CAMKK2: variants seen among roughly 807,000 people sequenced by gnomAD.
The protein encoded by CAMKK2 is calcium/calmodulin-dependent protein kinase kinase 2.
In CAMKK2, 30 loss-of-function variants were observed where a neutral mutation model predicts 67.2. That is an observed-to-expected ratio of 0.45 (90% CI 0.33 to 0.61). The LOEUF is 0.61. Among genes scored for constraint, CAMKK2 ranks in the 20% least tolerant of loss-of-function variants. CAMKK2 has a pLI of 0.02. For missense variants in CAMKK2, 643 were observed against 802.0 expected (o/e 0.80, Z 2.39); for synonymous variants, 322 against 326.2 (o/e 0.99, Z 0.14).
Position 121,248,536 on chromosome 12 carries a change from G to A in CAMKK2, c.1452+70C>T. 1.9e-6 allele frequency: 3 copies of A among 1,590,544 alleles called. No individual in the cohort carries two copies. In the South Asian group the frequency reaches 3.3e-5, roughly 18 times the overall value. ...ACTCCCGGGCACCCGCCTGTGTCCG[G>A]CCTGTCCTGGCCAGGCCCCACCTCA... On this transcript the variant is annotated intron_variant, in intron 14 of 16. Coordinates refer to ENST00000404169, the MANE Select transcript of CAMKK2 (RefSeq NM_001270485.2).
In CAMKK2 at chr12:121,274,156, G is replaced by A. The variant is rs199839826; in HGVS notation, c.371C>T (p.Pro124Leu). The change falls in exon 2 of 17, where the codon CCG becomes CTG. Residue 124 changes from proline to leucine, a missense_variant. Pro to Leu is a moderately conservative substitution (Grantham distance 98). Around this residue, in one of 3 missense-constraint regions of CAMKK2, gnomAD observed 483 missense variants for 625.8 expected, o/e 0.77. Coordinates refer to ENST00000404169, the MANE Select transcript of CAMKK2 (RefSeq NM_001270485.2). The stretch of plus-strand genomic sequence containing the variant: ...GCTGACGGGTGAGTAGGGCAGGGAC[G>A]GGCAGATGCAGCGTCCGTTCATGTC... ...SLDMNGRCIC[P>L]SLPYSPVSSP... The A allele has an allele frequency of 1.0e-5, 16 of 1,594,020 alleles. No homozygotes were observed. Among genetic ancestry groups the A allele is most frequent in the East Asian group, 4.5e-5 (2 of 44,302 alleles).
intron 1 of CAMKK2, among the ~76,000 whole-genome samples, chr12:121,274,813 T>C (rs1412767904): frequency 1.3e-5 from 2 of 150,078 alleles, no homozygotes; most frequent in Non-Finnish European, 3.0e-5. Context: ...TTCTTTTTTT[T>C]TTTTTTGAGA....
At chr12:121,255,235 T>TATATATATAATTATATATATATAA (rs1403218346) in intron 9 of CAMKK2, among the ~76,000 whole-genome samples, 1 of 5,134 alleles carries the variant, frequency 1.9e-4, no homozygotes, top group African/African-American at 8.3e-4. Context: ...TATATATAAT[T>TATATATATAATTATATATATATAA]TTATATATAT....
rs557084757 is a variant in CAMKK2, at chr12:121,273,926, G to T, written c.471+130C>A. 53 of 706,050 alleles carry T rather than the reference G, an allele frequency of 7.5e-5. No homozygotes were observed. In the African/African-American group the frequency reaches 8.7e-4, roughly 12 times the overall value. The allele number at this position is 706,050 out of a possible 1,614,324, so 43.7% of individuals were successfully genotyped here. ...CCCCAGCCGCCCCCAAGGTTCCCTG[G>T]AGTCAACTCCTAGGTCAACCGTGGC... is the stretch of plus-strand genomic sequence containing the variant. On this transcript the variant is annotated intron_variant, in intron 2 of 16. Coordinates refer to ENST00000404169, the MANE Select transcript of CAMKK2 (RefSeq NM_001270485.2).
At chr12:121,260,411 G>T (rs774863495) in intron 6 of CAMKK2, 56 bp from the exon 7 acceptor site, 4 of 1,526,612 alleles carry the variant, frequency 2.6e-6, no homozygotes, top group Admixed American at 3.6e-5. Flanking sequence ...GAAAAAGAGA[G>T]AATAGATATG....
Position 121,271,718 on chromosome 12 carries a change from T to G in CAMKK2, c.472-773A>C, listed in dbSNP as rs543934405. ...CAAAATTAAAACTTTGGCTTTTTTT[T>G]CTTTTTGAGATGGAGTTTTGCTCTT... On this transcript the variant is annotated intron_variant, in intron 2 of 16. Transcript: ENST00000404169. Among the ~76,000 whole-genome samples the G allele has an allele frequency of 2.0e-5, 3 of 152,320 alleles. No individual in the cohort carries two copies. The South Asian group carries it at 6.2e-4, about 32-fold the overall frequency.
Position 121,240,335 on chromosome 12 carries a change from G to A in CAMKK2, c.*364C>T. On this transcript the variant is annotated 3_prime_UTR_variant, in exon 17 of 17. Coordinates refer to ENST00000404169, the MANE Select transcript of CAMKK2 (RefSeq NM_001270485.2). The surrounding 1 kb of genome is among the most constrained non-coding windows in gnomAD (Gnocchi z 4.4). ...GGAGTTTTCTGCTCGCCTTTCCACA[G>A]TTGTCAAACCCCACACACAGTCACT... is the stretch of plus-strand genomic sequence containing the variant. 1 of 1,158,812 alleles carries A rather than the reference G, an allele frequency of 8.6e-7. No individual in the cohort carries two copies. The allele number at this position is 1,158,812 out of a possible 1,614,324, so 71.8% of individuals were successfully genotyped here. A position where few individuals can be genotyped will look rare whatever the true frequency, so the allele number is the denominator to read the frequency against.
Position 121,245,426 on chromosome 12 carries a change from G to A in CAMKK2, c.1453-186C>T, listed in dbSNP as rs747384112. On this transcript the variant is annotated intron_variant, in intron 14 of 16. Coordinates refer to ENST00000404169, the MANE Select transcript of CAMKK2 (RefSeq NM_001270485.2). The surrounding 1 kb of genome is among the most constrained non-coding windows in gnomAD (Gnocchi z 5.8). ...CCAACCCCCGCCGAAAGAATCCTCT[G>A]GGAAAAGGTGCTGTCCTGCACCACA... Among the ~76,000 whole-genome samples the A allele has an allele frequency of 6.6e-6, 1 of 152,152 alleles. No homozygotes were observed. Among genetic ancestry groups the A allele is most frequent in the African/African-American group, 2.4e-5 (1 of 41,424 alleles).
chr12:121,242,427 C>G (rs1229833183), intron 16 of CAMKK2, among the ~76,000 whole-genome samples: 1 of 152,126 alleles, frequency 6.6e-6, no homozygotes, highest in Non-Finnish European at 1.5e-5. Context: ...GAGGCAGCCC[C>G]GGTTTGGCAA....
intron 11 of CAMKK2, 111 bp from the exon 12 acceptor site, chr12:121,250,145 G>A: frequency 1.2e-6 from 1 of 846,982 alleles, no homozygotes; most frequent in South Asian, 1.5e-5. Flanking sequence ...ATCAACAATT[G>A]CGGCCCAGGC....
At chr12:121,289,828 G>A (rs1430462191) in intron 1 of CAMKK2, among the ~76,000 whole-genome samples, 1 of 151,606 alleles carries the variant, frequency 6.6e-6, no homozygotes, top group Non-Finnish European at 1.5e-5. Flanking sequence ...AGGAGGCAGA[G>A]GTTGCGGTGA....
At position 121,245,010 on chromosome 12, in the gene CAMKK2, G is replaced by A. The variant is rs575239334; in HGVS notation, c.1553+130C>T. On this transcript the variant is annotated intron_variant, in intron 15 of 16. Transcript: ENST00000404169. This position sits in a 1 kb window ranked among gnomAD's most constrained non-coding sequence, Gnocchi z 5.8. ...TGCTGACTGTCCCAGTGCACCAGGTGGGTTTCATCTGAGTCTCTCCAGATG... is the reference window on the plus strand; with the variant it reads ...TGCTGACTGTCCCAGTGCACCAGGTAGGTTTCATCTGAGTCTCTCCAGATG... The A allele has an allele frequency of 1.2e-3, 780 of 652,752 alleles. 2 individuals carry two copies. The highest frequency in any genetic ancestry group is 1.9e-3 in the Non-Finnish European group (708 of 368,970). The allele number at this position is 652,752 out of a possible 1,614,324, so 40.4% of individuals were successfully genotyped here.
Position 121,277,730 on chromosome 12 carries a change from G to C in CAMKK2, c.-59-3145C>G, listed in dbSNP as rs111952342. Among the ~76,000 whole-genome samples, 373 of 152,302 alleles carry C rather than the reference G, an allele frequency of 2.4e-3. 1 individual carries two copies. Among genetic ancestry groups the C allele is most frequent in the African/African-American group, 8.0e-3 (333 of 41,558 alleles). On this transcript the variant is annotated intron_variant, in intron 1 of 16. Transcript: ENST00000404169. ...ACCTGTAATCCCAACACCTTGGGAG[G>C]CCAAGGCAGGCAGATCACTTGAGGT...
At chr12:121,289,071 C>A (rs75030130) in intron 1 of CAMKK2, among the ~76,000 whole-genome samples, 4 of 152,080 alleles carry the variant, frequency 2.6e-5, no homozygotes, top group Non-Finnish European at 2.9e-5. Flanking sequence ...CCAATCCCCC[C>A]ACCCCACCCC....
chr12:121,265,591 G>A (rs1196690301), intron 5 of CAMKK2, among the ~76,000 whole-genome samples: 1 of 152,164 alleles, frequency 6.6e-6, no homozygotes, highest in Non-Finnish European at 1.5e-5. Context: ...ACCTCAGGCT[G>A]GGCGCAGTGG....
rs1168708290 is a variant in CAMKK2, at chr12:121,292,920, G to T, written c.-60+3718C>A. On this transcript the variant is annotated intron_variant, in intron 1 of 16. Transcript: ENST00000404169. Reference sequence around the variant, plus strand: ...GGAGTTGGAGACTACAGTGAGCTATGATAGCACCACTGCCCTCCACCCTGA... The same window carrying T: ...GGAGTTGGAGACTACAGTGAGCTATTATAGCACCACTGCCCTCCACCCTGA... 3.3e-5 allele frequency among the ~76,000 whole-genome samples: 5 copies of T among 151,208 alleles called. No homozygotes were observed. The East Asian group carries it at 7.8e-4, about 24-fold the overall frequency.
rs2136703504 is a variant in CAMKK2 at position 121,296,265 on chromosome 12, C to G, written c.-60+373G>C. Among the ~76,000 whole-genome samples the G allele has an allele frequency of 6.6e-6, 1 of 152,268 alleles. No homozygotes were observed. The highest frequency in any genetic ancestry group is 2.1e-4 in the South Asian group (1 of 4,822). The stretch of plus-strand genomic sequence containing the variant: ...CCCCGGAACGCTCCAGATTTCCCCA[C>G]CTGTCAAACGCGAGGGGCTGGGCCT... On this transcript the variant is annotated intron_variant, in intron 1 of 16. Transcript: ENST00000404169. This position sits in a 1 kb window ranked among gnomAD's most constrained non-coding sequence, Gnocchi z 7.1.
rs1354709070 is a variant in CAMKK2 at position 121,255,215 on chromosome 12, T to C, written c.907+335A>G. Among the ~76,000 whole-genome samples the C allele has an allele frequency of 8.7e-3, 195 of 22,398 alleles. 12 individuals carry two copies. Among genetic ancestry groups the C allele is most frequent in the African/African-American group, 0.043 (191 of 4,400 alleles). 14.7% of individuals were successfully genotyped at this position (22,398 alleles called of 152,430 possible). On this transcript the variant is annotated intron_variant, in intron 9 of 16. Coordinates refer to ENST00000404169, the MANE Select transcript of CAMKK2 (RefSeq NM_001270485.2). ...CCCTTTATATATATAATTATATATA[T>C]AATTTTATATATATATAATTTTATA... is the stretch of plus-strand genomic sequence containing the variant.
chr12:121,276,469 T>G (rs1019125157), intron 1 of CAMKK2, among the ~76,000 whole-genome samples: 3 of 152,016 alleles, frequency 2.0e-5, no homozygotes, highest in African/African-American at 7.2e-5. Context: ...AAGACTCATC[T>G]CAAAAAATAA....
Sources: allele counts gnomAD v4.1 joint callset (sites outside exome capture counted in the v4.1 genomes callset), GRCh38; gene constraint gnomAD v4.1.1; regional missense constraint gnomAD v4.1.1; non-coding constraint Gnocchi (gnomAD v3.1); transcripts MANE v1.5; gene names NCBI Gene and HGNC (gene_info 2026-07-23, HGNC 2026-07-21).